The following SHOX2 variants were observed in gnomAD, a reference collection of about 807,000 sequenced individuals.
The protein encoded by SHOX2 is short stature homeobox protein 2.
SHOX2 carries 13 observed loss-of-function variants against 31.3 expected under a neutral mutation model. The observed-to-expected ratio is 0.42, with a 90% CI of 0.27 to 0.66. The LOEUF is 0.66. Among genes scored for constraint, SHOX2 ranks in the 30% least tolerant of loss-of-function variants. The probability of loss-of-function intolerance (pLI) is 0.27; values close to 1 mark genes in which losing one functional copy is unlikely to be tolerated. For missense variants in SHOX2, 473 were observed against 443.0 expected (o/e 1.07, Z -0.61); for synonymous variants, 244 against 196.2 (o/e 1.24, Z -2.04).
rs753303241 is a variant in SHOX2, at chr3:158,100,281, T to C, written c.586A>G (p.Arg196Gly). ...TTATGGAGTTGATTTTCTTGTTTTC[T>C]ACATTTAGCTCTTCGATTTTGAAAC... ...VWFQNRRAKC[R>G]KQENQLHKGV... Residue 196 changes from arginine (R) to glycine (G), a missense_variant, in exon 3 of 5, where the codon AGA (arginine) becomes GGA (glycine). Transcript: ENST00000483851. The C allele has an allele frequency of 6.2e-7, 1 of 1,603,820 alleles. No individual in the cohort carries two copies. The highest frequency in any genetic ancestry group is 1.1e-5 in the South Asian group (1 of 87,796).
chr3:158,099,986 C>G, intron 3 of SHOX2, 38 bp from the exon 4 acceptor site: 1 of 1,555,266 alleles, frequency 6.4e-7, no homozygotes, highest in Non-Finnish European at 8.9e-7. Context: ...GTGAGGTTAA[C>G]GTTTGTAGCA....
Position 158,099,904 on chromosome 3 carries a change from C to G in SHOX2, c.658G>C (p.Ala220Pro). 1 of 1,614,058 alleles carries G rather than the reference C, an allele frequency of 6.2e-7. No homozygotes were observed. Among genetic ancestry groups the G allele is most frequent in the Non-Finnish European group, 8.5e-7 (1 of 1,179,976 alleles). ...AAAGCACCTACGTTGACATAAGGTGCGACTCTACAAGCTTCAAACTGGCTG... is the reference window on the plus strand; with the variant it reads ...AAAGCACCTACGTTGACATAAGGTGGGACTCTACAAGCTTCAAACTGGCTG... ...AASQFEACRV[A>P]PYVNVGALRM... Residue 220 changes from alanine to proline, a missense_variant, in exon 4 of 5, where the codon GCA (alanine) becomes CCA (proline). Ala to Pro is a conservative substitution (Grantham distance 27). Around this residue, in one of 3 missense-constraint regions of SHOX2, gnomAD observed 182 missense variants for 167.2 expected, o/e 1.09. Transcript: ENST00000483851.
At chr3:158,101,922 C>T (rs1256829600) in intron 2 of SHOX2, among the ~76,000 whole-genome samples, 1 of 152,160 alleles carries the variant, frequency 6.6e-6, no homozygotes, top group Non-Finnish European at 1.5e-5. Context: ...TTACATTTGC[C>T]TCCACAACCA....
In SHOX2 at chr3:158,105,777, GCTC is replaced by G. The variant is rs763273803; in HGVS notation, c.245_247del (p.Gly82del). 16 of 1,512,790 alleles carry G rather than the reference GCTC, an allele frequency of 1.1e-5. No homozygotes were observed. The Admixed American group carries it at 1.3e-4, about 12-fold the overall frequency. 93.7% of individuals were successfully genotyped at this position (1,512,790 alleles called of 1,614,324 possible). A position where few individuals can be genotyped will look rare whatever the true frequency, so the allele number is the denominator to read the frequency against. Reference sequence around the variant, plus strand: ...GCGCCCTCCTCCAGCTCCTCCGCCTGCTCCTCCTCCTCCTACACCTCCTCCGCC... The same window carrying G: ...GCGCCCTCCTCCAGCTCCTCCGCCTGCTCCTCCTCCTACACCTCCTCCGCC... On this transcript the variant is annotated inframe_deletion, in exon 1 of 5. Coordinates refer to ENST00000483851, the MANE Select transcript of SHOX2 (RefSeq NM_001163678.2).
chr3:158,103,239 T>C (rs1045820125), intron 1 of SHOX2: 2 of 362,074 alleles, frequency 5.5e-6, no homozygotes, highest in Non-Finnish European at 1.1e-5. Flanking sequence ...TCGCACTCAC[T>C]TGCTCCGCAG....
In SHOX2 at chr3:158,102,561, C is replaced by T. The variant is rs1713558841; in HGVS notation, c.555+117G>A. 12 of 782,630 alleles carry T rather than the reference C, an allele frequency of 1.5e-5. No individual in the cohort carries two copies. The South Asian group carries it at 1.7e-4, about 11-fold the overall frequency. 48.5% of individuals were successfully genotyped at this position (782,630 alleles called of 1,614,324 possible). On this transcript the variant is annotated intron_variant, in intron 2 of 4. Coordinates refer to ENST00000483851, the MANE Select transcript of SHOX2 (RefSeq NM_001163678.2). Reference sequence around the variant, plus strand: ...GACCTCTAGTAAAGATATCTCTTTCCTTCTCATCTTACACCAGACACTAGA... The same window carrying T: ...GACCTCTAGTAAAGATATCTCTTTCTTTCTCATCTTACACCAGACACTAGA...
At chr3:158,103,252 CT>C in intron 1 of SHOX2, 3 of 336,470 alleles carry the variant, frequency 8.9e-6, no homozygotes, top group Admixed American at 4.3e-5. Context: ...CTCCGCAGCA[CT>C]CACAGAAATC....
intron 2 of SHOX2, among the ~76,000 whole-genome samples, chr3:158,101,218 A>T (rs1360960151): frequency 6.6e-6 from 1 of 152,230 alleles, no homozygotes; most frequent in Non-Finnish European, 1.5e-5. Flanking sequence ...AACCCCATTA[A>T]AGTAAAAATA....
At chr3:158,102,996 G>T in intron 1 of SHOX2, 110 bp from the exon 2 acceptor site, 1 of 1,051,714 alleles carries the variant, frequency 9.5e-7, no homozygotes. Flanking sequence ...CAGATTTGTC[G>T]CAAAAAAGAA....
intron 4 of SHOX2, 136 bp from the exon 5 acceptor site, chr3:158,098,420 G>C: frequency 9.2e-7 from 1 of 1,085,272 alleles, no homozygotes. Context: ...GCATTTGGCT[G>C]TGCATCTTGT....
At position 158,097,891 on chromosome 3, in the gene SHOX2, G is replaced by A. The variant is rs1430885482; in HGVS notation, c.*136C>T. On this transcript the variant is annotated 3_prime_UTR_variant, in exon 5 of 5. Coordinates refer to ENST00000483851, the MANE Select transcript of SHOX2 (RefSeq NM_001163678.2). ...TTTCCGAGTCCAAGATGCGATAGGG[G>A]ACGAGGGATGGTCAGTGAGGCGGGA... 2 of 1,145,694 alleles carry A rather than the reference G, an allele frequency of 1.7e-6. No individual in the cohort carries two copies. The highest frequency in any genetic ancestry group is 4.6e-5 in the Admixed American group (2 of 43,480). The allele number at this position is 1,145,694 out of a possible 1,614,324, so 71.0% of individuals were successfully genotyped here.
At chr3:158,103,391 G>T (rs1029323197) in intron 1 of SHOX2, 24 of 183,310 alleles carry the variant, frequency 1.3e-4, no homozygotes, top group Non-Finnish European at 2.6e-4. Flanking sequence ...TCTCACCACC[G>T]CTGGCTCTCT....
chr3:158,106,072 G>C lies in SHOX2; in HGVS notation c.-48C>G. The C allele has an allele frequency of 6.2e-7, 1 of 1,607,840 alleles. No homozygotes were observed. Among genetic ancestry groups the C allele is most frequent in the Non-Finnish European group, 8.5e-7 (1 of 1,177,036 alleles). ...GCTCAACCTCTGCCAGCAGAGCCCC[G>C]CTCTTTTTTTCCTTCTTCTTTTTTT... is the stretch of plus-strand genomic sequence containing the variant. On this transcript the variant is annotated 5_prime_UTR_variant, in exon 1 of 5. Coordinates refer to ENST00000483851, the MANE Select transcript of SHOX2 (RefSeq NM_001163678.2).
At chr3:158,105,137 G>T in intron 1 of SHOX2, 1 of 1,531,342 alleles carries the variant, frequency 6.5e-7, no homozygotes, top group Non-Finnish European at 8.8e-7. Context: ...TACCTTGAAA[G>T]AGAATGGGAA....
chr3:158,105,854 C>T lies in SHOX2; in HGVS notation c.171G>A (p.Arg57=), dbSNP rs1329031541. 8 of 1,443,004 alleles carry T rather than the reference C, an allele frequency of 5.5e-6. No homozygotes were observed. The East Asian group carries it at 1.2e-4, about 22-fold the overall frequency. The allele number at this position is 1,443,004 out of a possible 1,614,324, so 89.4% of individuals were successfully genotyped here. A position where few individuals can be genotyped will look rare whatever the true frequency, so the allele number is the denominator to read the frequency against. ...CTCCGCCGCCGCCTCCGCCGGCCGC[C>T]CGGACTGCCGGGCTGCTGCGGTCGT... ...GRDDRSSPAV[R]AAGGGGGGGG... is the part of the protein sequence containing the mutation. Residue 57 remains arginine, a synonymous_variant, in exon 1 of 5, where the codon CGG becomes CGA. Coordinates refer to ENST00000483851, the MANE Select transcript of SHOX2 (RefSeq NM_001163678.2).
chr3:158,102,629 C>T (rs1306908267), intron 2 of SHOX2, 49 bp downstream of exon 2: 1 of 1,532,460 alleles, frequency 6.5e-7, no homozygotes, highest in Admixed American at 1.7e-5. Context: ...CTTTCCAACC[C>T]CAGGCTCTCT....
At position 158,098,180 on chromosome 3, in the gene SHOX2, G is replaced by A. The variant is rs553651842; in HGVS notation, c.807C>T (p.Pro269=). 23 of 1,613,694 alleles carry A rather than the reference G, an allele frequency of 1.4e-5. No homozygotes were observed. In the East Asian group the frequency reaches 3.8e-4, roughly 27 times the overall value. Residue 269 remains proline, a synonymous_variant, in exon 5 of 5, where the codon CCC becomes CCT. Transcript: ENST00000483851. The part of the protein sequence containing the change: ...HAPYMMFPAP[P]FGLPLATLAA... ...CCAGCGTGGCGAGCGGCAGTCCGAAGGGCGGTGCTGGGAACATCATGTAGG... is the reference window on the plus strand; with the variant it reads ...CCAGCGTGGCGAGCGGCAGTCCGAAAGGCGGTGCTGGGAACATCATGTAGG...
chr3:158,101,359 T>A (rs1403233463), intron 2 of SHOX2, among the ~76,000 whole-genome samples: 1 of 152,212 alleles, frequency 6.6e-6, no homozygotes, highest in Non-Finnish European at 1.5e-5. Context: ...TTTGTGTAAT[T>A]CACATGGCCT....
At chr3:158,098,333 C>T in intron 4 of SHOX2, 49 bp from the exon 5 acceptor site, 4 of 1,596,784 alleles carry the variant, frequency 2.5e-6, no homozygotes, top group Non-Finnish European at 3.4e-6. Flanking sequence ...AGGGTGACAA[C>T]AGAATAGAAA....
Sources: gnomAD v4.1 joint callset for allele counts (sites outside exome capture counted in the v4.1 genomes callset) on GRCh38, gnomAD v4.1.1 for gene constraint, gnomAD v4.1.1 regional missense constraint, MANE v1.5 for transcripts, NCBI Gene and HGNC (gene_info 2026-07-23, HGNC 2026-07-21) for gene names.